Variants in HOMER2 observed in about 807,000 individuals in gnomAD.
The protein encoded by HOMER2 is homer scaffold protein 2.
HOMER2 carries 27 observed loss-of-function variants against 47.0 expected under a neutral mutation model. The observed-to-expected ratio is 0.57, with a 90% CI of 0.42 to 0.79. The LOEUF (loss-of-function observed/expected upper bound fraction) is 0.79. Among genes scored for constraint, HOMER2 ranks in the 30% least tolerant of loss-of-function variants. The pLI, the probability that HOMER2 is intolerant of heterozygous loss-of-function variation, is 0.00. For missense variants in HOMER2, 443 were observed against 435.0 expected (o/e 1.02, Z -0.16); for synonymous variants, 161 against 163.8 (o/e 0.98, Z 0.13).
intron 8 of HOMER2, 87 bp downstream of exon 8, chr15:82,851,064 G>GA: frequency 1.1e-6 from 1 of 893,646 alleles, no homozygotes; most frequent in Non-Finnish European, 1.8e-6. Context: ...TTCTCAGTGT[G>GA]AAAGTGATAG....
At chr15:82,984,272 T>C (rs1007156344) in intron 1 of HOMER2, among the ~76,000 whole-genome samples, 13 of 151,774 alleles carry the variant, frequency 8.6e-5, no homozygotes, top group African/African-American at 3.1e-4. Context: ...GACCTCATGA[T>C]CCACCCGCCT....
At chr15:82,851,691 G>C (rs1354072686) in intron 7 of HOMER2, among the ~76,000 whole-genome samples, 1 of 152,244 alleles carries the variant, frequency 6.6e-6, no homozygotes, top group Non-Finnish European at 1.5e-5. Context: ...AGCTACACAG[G>C]AGGCTGAGGT....
chr15:82,863,689 T>C (rs1291258483), intron 4 of HOMER2, among the ~76,000 whole-genome samples: 1 of 152,240 alleles, frequency 6.6e-6, no homozygotes. Context: ...CTTCACACTT[T>C]AGACAGACTA....
At chr15:82,894,000 C>T (rs1364916547) in intron 1 of HOMER2, among the ~76,000 whole-genome samples, 3 of 152,154 alleles carry the variant, frequency 2.0e-5, no homozygotes, top group African/African-American at 7.2e-5. Flanking sequence ...CTTCTGGAAC[C>T]ATTCAACAAC....
At chr15:82,880,729 C>G (rs546973556) in intron 2 of HOMER2, among the ~76,000 whole-genome samples, 1 of 152,100 alleles carries the variant, frequency 6.6e-6, no homozygotes, top group South Asian at 2.1e-4. Flanking sequence ...AGAGGAGATA[C>G]GAGACTTGAG....
At chr15:82,880,515 T>C (rs559848670) in intron 2 of HOMER2, among the ~76,000 whole-genome samples, 1 of 152,330 alleles carries the variant, frequency 6.6e-6, no homozygotes, top group African/African-American at 2.4e-5. Flanking sequence ...GGGTTTGCTT[T>C]ATTATTAGAC....
chr15:82,881,510 AAAC>A (rs796306051), intron 2 of HOMER2, among the ~76,000 whole-genome samples: 10 of 152,284 alleles, frequency 6.6e-5, no homozygotes, highest in African/African-American at 1.7e-4. Flanking sequence ...TAAAAATTTA[AAAC>A]AACAACAACA....
chr15:82,911,753 G>A (rs2151150569), intron 1 of HOMER2, among the ~76,000 whole-genome samples: 1 of 152,302 alleles, frequency 6.6e-6, no homozygotes, highest in African/African-American at 2.4e-5. Context: ...TTTCACGGCC[G>A]GGTGAGGTGG....
intron 1 of HOMER2, among the ~76,000 whole-genome samples, chr15:82,922,854 C>T (rs1033235620): frequency 1.3e-5 from 2 of 152,204 alleles, no homozygotes; most frequent in East Asian, 3.8e-4. Flanking sequence ...TCCCTGCTCA[C>T]CCCATACCTG....
chr15:82,867,732 T>TG (rs1685323925), intron 3 of HOMER2, among the ~76,000 whole-genome samples: 1 of 152,086 alleles, frequency 6.6e-6, no homozygotes, highest in Admixed American at 6.5e-5. Flanking sequence ...GTCTTGTTAG[T>TG]GAAAAAAACA....
At chr15:82,866,083 T>A (rs2051956323) in intron 3 of HOMER2, among the ~76,000 whole-genome samples, 1 of 152,094 alleles carries the variant, frequency 6.6e-6, no homozygotes, top group Non-Finnish European at 1.5e-5. Context: ...ACCGTGTGCC[T>A]GGGTAAAGCC....
rs540581081 is a variant in HOMER2 at position 82,923,790 on chromosome 15, T to C, written c.5+28741A>G. On this transcript the variant is annotated intron_variant, in intron 1 of 8. Transcript: ENST00000450735. The stretch of plus-strand genomic sequence containing the variant: ...TGGCAGGGCCTGACAGCTGGAACCC[T>C]GGCTTATGGTTGATCTTACCATCAA... 2.6e-5 allele frequency among the ~76,000 whole-genome samples: 4 copies of C among 152,314 alleles called. No individual in the cohort carries two copies. The East Asian group carries it at 7.7e-4, about 29-fold the overall frequency.
At chr15:82,852,301 T>A (rs751363594) in intron 6 of HOMER2, 49 bp from the exon 7 acceptor site, 2 of 1,303,320 alleles carry the variant, frequency 1.5e-6, no homozygotes, top group South Asian at 2.4e-5. Context: ...TTAACATTAG[T>A]CATTAAGCAA....
chr15:82,935,208 T>C (rs577750996), intron 1 of HOMER2, among the ~76,000 whole-genome samples: 1 of 152,294 alleles, frequency 6.6e-6, no homozygotes, highest in South Asian at 2.1e-4. Context: ...AGTCAACTTC[T>C]TCAAAATGTG....
chr15:82,859,280 T>A, intron 4 of HOMER2, 145 bp from the exon 5 acceptor site: 1 of 1,102,930 alleles, frequency 9.1e-7, no homozygotes, highest in Non-Finnish European at 1.3e-6. Flanking sequence ...CCAACCAGAA[T>A]GCAGCAAAGA....
At chr15:82,889,187 A>G (rs202003602) in intron 2 of HOMER2, among the ~76,000 whole-genome samples, 11 of 152,350 alleles carry the variant, frequency 7.2e-5, no homozygotes, top group East Asian at 3.9e-4. Context: ...ACCTGTCATC[A>G]TGGTTCAGAT....
At chr15:82,915,018 C>A (rs919428146) in intron 1 of HOMER2, among the ~76,000 whole-genome samples, 1 of 151,824 alleles carries the variant, frequency 6.6e-6, no homozygotes, top group African/African-American at 2.4e-5. Flanking sequence ...ACAAAAAATA[C>A]AAAAACTAGC....
intron 1 of HOMER2, among the ~76,000 whole-genome samples, chr15:82,964,895 C>T (rs561800091): frequency 1.4e-4 from 21 of 152,198 alleles, no homozygotes; most frequent in Admixed American, 2.6e-4. Context: ...GAAAAGGTTC[C>T]GTGCTCCATA....
chr15:82,908,331 T>C (rs1304349204), intron 1 of HOMER2, among the ~76,000 whole-genome samples: 3 of 152,196 alleles, frequency 2.0e-5, no homozygotes, highest in East Asian at 3.8e-4. Flanking sequence ...TAGGAGGCCA[T>C]TGATTCAGAC....
Sources: gnomAD v4.1 joint callset for allele counts (sites outside exome capture counted in the v4.1 genomes callset) on GRCh38, gnomAD v4.1.1 for gene constraint, MANE v1.5 for transcripts, NCBI Gene and HGNC (gene_info 2026-07-23, HGNC 2026-07-21) for gene names.